AMPD3: variants seen among roughly 807,000 people sequenced by gnomAD.
The protein encoded by AMPD3 is AMP deaminase 3.
AMPD3 carries 57 observed loss-of-function variants against 82.3 expected under a neutral mutation model. The observed-to-expected ratio is 0.69, with a 90% confidence interval of 0.56 to 0.86. The LOEUF is 0.86. Among genes scored for constraint, AMPD3 ranks in the 40% least tolerant of loss-of-function variants. The probability of loss-of-function intolerance (pLI) is 0.00; values close to 1 mark genes in which losing one functional copy is unlikely to be tolerated. For missense variants in AMPD3, 870 were observed against 1,003.8 expected (o/e 0.87, Z 1.80); for synonymous variants, 381 against 394.7 (o/e 0.97, Z 0.41).
chr11:10,472,964 A>C (rs1320977410), intron 2 of AMPD3, among the ~76,000 whole-genome samples: 3 of 151,946 alleles, frequency 2.0e-5, no homozygotes, highest in African/African-American at 7.3e-5. Flanking sequence ...AGATCACCCC[A>C]CTGCTCTCCA....
chr11:10,485,253 T>A (rs7101748), intron 5 of AMPD3, among the ~76,000 whole-genome samples: 28 of 152,180 alleles, frequency 1.8e-4, no homozygotes, highest in Non-Finnish European at 3.4e-4. Context: ...CCCTGTCCCC[T>A]CTTTTGTTTT....
chr11:10,467,367 G>A (rs574270633), intron 2 of AMPD3, among the ~76,000 whole-genome samples: 1 of 152,272 alleles, frequency 6.6e-6, no homozygotes, highest in Non-Finnish European at 1.5e-5. Flanking sequence ...ACATTGTGAA[G>A]CATTCACAAG....
chr11:10,477,956 T>C (rs1848788728), intron 2 of AMPD3: 1 of 985,326 alleles, frequency 1.0e-6, no homozygotes, highest in African/African-American at 1.7e-5. Flanking sequence ...GAGCACTGTC[T>C]CGACTCCTTT....
intron 11 of AMPD3, chr11:10,500,649 C>T (rs1350072572): frequency 6.5e-5 from 64 of 985,340 alleles, no homozygotes; most frequent in Non-Finnish European, 7.7e-5. Context: ...ACTGCCACAC[C>T]AACAATGTCC....
At position 10,487,374 on chromosome 11, in the gene AMPD3, G is replaced by C. The variant is rs1849104807; in HGVS notation, c.939+10G>C. On this transcript the variant is annotated intron_variant, in intron 6 of 14. Coordinates refer to ENST00000396553, the MANE Select transcript of AMPD3 (RefSeq NM_001025389.2). ...CTATAACGTGAGAAAGGTGCGTTAG[G>C]GGCGAGTGTTCACAGCTGCCTCACC... 6.2e-7 allele frequency: 1 copy of C among 1,613,850 alleles called. No individual in the cohort carries two copies. Among genetic ancestry groups the C allele is most frequent in the East Asian group, 2.2e-5 (1 of 44,858 alleles).
At chr11:10,482,931 A>C (rs1452685211) in intron 4 of AMPD3, among the ~76,000 whole-genome samples, 1 of 152,226 alleles carries the variant, frequency 6.6e-6, no homozygotes, top group East Asian at 1.9e-4. Flanking sequence ...CTGGGAAGAC[A>C]TGTAGGCTCT....
In AMPD3 at chr11:10,457,258, A is replaced by G. The variant is rs182112128; in HGVS notation, c.-6+1810A>G. On this transcript the variant is annotated intron_variant, in intron 1 of 14. Coordinates refer to ENST00000396553, the MANE Select transcript of AMPD3 (RefSeq NM_001025389.2). ...CTCCCAAATTGCTTGGATTATAGGC[A>G]TGAGCCACTGCACCCGGTCTTGGAA... Among the ~76,000 whole-genome samples the G allele has an allele frequency of 2.6e-5, 4 of 152,114 alleles. No homozygotes were observed. The East Asian group carries it at 7.8e-4, about 30-fold the overall frequency.
rs546204137 is a variant in AMPD3, at chr11:10,464,295, C to T, written c.221+2555C>T. Among the ~76,000 whole-genome samples, 8 of 152,258 alleles carry T rather than the reference C, an allele frequency of 5.3e-5. No individual in the cohort carries two copies. The East Asian group carries it at 1.2e-3, about 22-fold the overall frequency. On this transcript the variant is annotated intron_variant, in intron 2 of 14. Transcript: ENST00000396553. ...TGGATTCATTCTTTAATTCTCACAT[C>T]GAGCTTATCAAATGGATATTCTTAG...
rs571427952 is a variant in AMPD3, at chr11:10,456,977, CTTTTT to C, written c.-6+1543_-6+1547del. Among the ~76,000 whole-genome samples the C allele has an allele frequency of 2.3e-5, 3 of 129,228 alleles. No homozygotes were observed. Among genetic ancestry groups the C allele is most frequent in the Admixed American group, 1.5e-4 (2 of 12,932 alleles). 84.8% of individuals were successfully genotyped at this position (129,228 alleles called of 152,430 possible). ...TTGTTGTGGTTGCTGTTGTTTCTTGCTTTTTTTTTTTTTTTTTTGAGAGAAGGTCT... is the reference window on the plus strand; with the variant it reads ...TTGTTGTGGTTGCTGTTGTTTCTTGCTTTTTTTTTTTTTGAGAGAAGGTCT... On this transcript the variant is annotated intron_variant, in intron 1 of 14. Coordinates refer to ENST00000396553, the MANE Select transcript of AMPD3 (RefSeq NM_001025389.2). The surrounding 1 kb of genome is among the most constrained non-coding windows in gnomAD (Gnocchi z 4.3).
chr11:10,480,434 A>T (rs1848869321), intron 3 of AMPD3, among the ~76,000 whole-genome samples: 1 of 151,048 alleles, frequency 6.6e-6, no homozygotes, highest in Admixed American at 6.6e-5. Flanking sequence ...AAGATGTAAA[A>T]GGAATTAACA....
In AMPD3 at chr11:10,485,005, A is replaced by G; in HGVS notation, c.775A>G (p.Ser259Gly). 2.5e-6 allele frequency: 4 copies of G among 1,613,958 alleles called. No individual in the cohort carries two copies. Among genetic ancestry groups the G allele is most frequent in the Non-Finnish European group, 3.4e-6 (4 of 1,180,014 alleles). ...CCTGGAGACCTACACGGTGGACATG[A>G]GCCACATCCTGGCTCTCATCACCGA... Reference protein sequence around the residue: ...PDLETYTVDMSHILALITDGP... With the variant: ...PDLETYTVDMGHILALITDGP... The change falls in exon 5 of 15, where the codon AGC becomes GGC. Residue 259 changes from serine to glycine, a missense_variant. Transcript: ENST00000396553.
chr11:10,460,943 G>T (rs1848251712), intron 1 of AMPD3: 1 of 985,416 alleles, frequency 1.0e-6, no homozygotes, highest in Non-Finnish European at 1.2e-6. Context: ...GCTGTGTCTT[G>T]TTAGGAGGTT....
chr11:10,505,887 C>T lies in AMPD3; in HGVS notation c.*3C>T. 6.2e-7 allele frequency: 1 copy of T among 1,614,084 alleles called. No individual in the cohort carries two copies. ...AGATCACCGCCTTGACCAACTAGGT[C>T]CAGCATTTGACATGCATTTTAACTT... On this transcript the variant is annotated 3_prime_UTR_variant, in exon 15 of 15. Coordinates refer to ENST00000396553, the MANE Select transcript of AMPD3 (RefSeq NM_001025389.2).
intron 9 of AMPD3, 30 bp from the exon 10 acceptor site, chr11:10,496,782 C>T: frequency 6.2e-7 from 1 of 1,614,064 alleles, no homozygotes; most frequent in South Asian, 1.1e-5. Context: ...GTTGGATCCA[C>T]CTGACAAGCG....
At position 10,494,988 on chromosome 11, in the gene AMPD3, T is replaced by C. The variant is rs1429383118; in HGVS notation, c.1224T>C (p.Thr408=). 2 of 1,614,218 alleles carry C rather than the reference T, an allele frequency of 1.2e-6. No individual in the cohort carries two copies. Among genetic ancestry groups the C allele is most frequent in the South Asian group, 2.2e-5 (2 of 91,086 alleles). ...AGCTGCGTGACCTGTATTTGAAAAC[T>C]GAAAACTATCTGGGAGGAGAGTACT... ...ASELRDLYLK[T]ENYLGGEYFA... is the part of the protein sequence containing the mutation. The change falls in exon 8 of 15, where the codon ACT becomes ACC. Residue 408 remains threonine, a synonymous_variant. Transcript: ENST00000396553.
rs767996085 is a variant in AMPD3, at chr11:10,461,561, T to C, written c.42T>C (p.Asp14=). Residue 14 remains aspartate (D), a synonymous_variant, in exon 2 of 15, where the codon GAT becomes GAC. Transcript: ENST00000396553. ...QFPKLNISEV[D]EQVRLLAEKV... ...CCAAGCTGAACATCTCTGAAGTGGA[T>C]GAGCAAGTCCGGCTCCTGGCGGAGA... is the stretch of plus-strand genomic sequence containing the variant. The C allele has an allele frequency of 1.2e-6, 2 of 1,614,090 alleles. No homozygotes were observed. The highest frequency in any genetic ancestry group is 2.7e-5 in the African/African-American group (2 of 74,936).
In AMPD3 at chr11:10,461,688, A is replaced by C; in HGVS notation, c.169A>C (p.Arg57=). 1 of 1,614,160 alleles carries C rather than the reference A, an allele frequency of 6.2e-7. No homozygotes were observed. Among genetic ancestry groups the C allele is most frequent in the Non-Finnish European group, 8.5e-7 (1 of 1,180,002 alleles). The change falls in exon 2 of 15, where the codon AGG becomes CGG. Residue 57 remains arginine (R), a synonymous_variant. Transcript: ENST00000396553. ...CATCGGGCAAAAGGAAGCCAAGGAG[A>C]GGGAGCTGCAGAAGGAGCTGGCAGA... is the stretch of plus-strand genomic sequence containing the variant. ...CPIGQKEAKE[R]ELQKELAEQK...
chr11:10,456,597 G>T lies in AMPD3; in HGVS notation c.-6+1149G>T. ...GACACTTCTTCAAGTTCATCAGAGC[G>T]TGTTGCATGTAACAGTGAGATAAGC... On this transcript the variant is annotated intron_variant, in intron 1 of 14. Transcript: ENST00000396553. The surrounding 1 kb of genome is among the most constrained non-coding windows in gnomAD (Gnocchi z 4.3). 1.0e-6 allele frequency: 1 copy of T among 985,458 alleles called. No homozygotes were observed. The highest frequency in any genetic ancestry group is 4.7e-5 in the South Asian group (1 of 21,292). The allele number at this position is 985,458 out of a possible 1,614,324, so 61.0% of individuals were successfully genotyped here. A position where few individuals can be genotyped will look rare whatever the true frequency, so the allele number is the denominator to read the frequency against.
chr11:10,471,404 A>C (rs1848585370), intron 2 of AMPD3, among the ~76,000 whole-genome samples: 1 of 152,242 alleles, frequency 6.6e-6, no homozygotes, highest in South Asian at 2.1e-4. Flanking sequence ...CAAAGACTTC[A>C]TGTATAAAAC....
Sources: gnomAD v4.1 joint callset for allele counts (sites outside exome capture counted in the v4.1 genomes callset) on GRCh38, gnomAD v4.1.1 for gene constraint, Gnocchi (gnomAD v3.1) non-coding constraint, MANE v1.5 for transcripts, NCBI Gene and HGNC (gene_info 2026-07-23, HGNC 2026-07-21) for gene names.